The following PREX2 variants were observed in gnomAD, a reference collection of about 807,000 sequenced individuals.
PREX2 encodes the protein phosphatidylinositol 3,4,5-trisphosphate-dependent Rac exchanger 2 protein.
A neutral mutation model predicts 203.2 loss-of-function variants in PREX2; 107 were observed. That is an observed-to-expected ratio of 0.53 (90% confidence interval 0.45 to 0.62). The LOEUF is 0.62. Among genes scored for constraint, PREX2 ranks in the 20% least tolerant of loss-of-function variants. The pLI is 0.00. For synonymous variants in PREX2, 672 were observed against 663.6 expected, an observed-to-expected ratio of 1.01 and a Z score of -0.19; for missense variants, 1,777 against 1,955.9, an observed-to-expected ratio of 0.91 and a Z score of 1.72.
intron 1 of PREX2, among the ~76,000 whole-genome samples, chr8:67,973,354 A>G (rs890904929): frequency 1.3e-5 from 2 of 152,174 alleles, no homozygotes; most frequent in South Asian, 2.1e-4. Context: ...CCTTTGGCAT[A>G]TCTGTCAAAT....
chr8:67,988,331 C>T (rs978751201), intron 1 of PREX2, among the ~76,000 whole-genome samples: 3 of 152,146 alleles, frequency 2.0e-5, no homozygotes, highest in African/African-American at 7.2e-5. Context: ...ACTTTGAAAC[C>T]AATTTCTCTA....
intron 35 of PREX2, among the ~76,000 whole-genome samples, chr8:68,164,095 G>A (rs932078515): frequency 6.6e-6 from 1 of 152,162 alleles, no homozygotes; most frequent in Non-Finnish European, 1.5e-5. Context: ...AAAGGGGTCA[G>A]TGGCACCTTT....
At chr8:68,047,225 T>C (rs1197997864) in intron 8 of PREX2, among the ~76,000 whole-genome samples, 1 of 151,868 alleles carries the variant, frequency 6.6e-6, no homozygotes. Context: ...CAGCACAGCA[T>C]CTTCATTTCT....
At chr8:68,160,002 A>G (rs1811624557) in intron 35 of PREX2, among the ~76,000 whole-genome samples, 1 of 152,210 alleles carries the variant, frequency 6.6e-6, no homozygotes, top group East Asian at 1.9e-4. Flanking sequence ...TAAAACATAA[A>G]AAGCATCAGC....
intron 1 of PREX2, among the ~76,000 whole-genome samples, chr8:67,958,280 G>A (rs368905812): frequency 6.6e-6 from 1 of 152,138 alleles, no homozygotes; most frequent in East Asian, 1.9e-4. Context: ...CTTTCAGTTG[G>A]GGAGTCAAGG....
intron 8 of PREX2, among the ~76,000 whole-genome samples, chr8:68,049,343 C>G (rs1208062375): frequency 6.6e-6 from 1 of 151,868 alleles, no homozygotes; most frequent in Non-Finnish European, 1.5e-5. Context: ...ACATCAGTTT[C>G]TTGATGTTTT....
At chr8:68,063,348 A>G (rs914641357) in intron 11 of PREX2, among the ~76,000 whole-genome samples, 10 of 152,112 alleles carry the variant, frequency 6.6e-5, no homozygotes, top group Admixed American at 6.6e-4. Context: ...GAGGCTGTGA[A>G]ACTGAGTTGC....
intron 1 of PREX2, among the ~76,000 whole-genome samples, chr8:67,993,575 T>C (rs1382299932): frequency 2.0e-5 from 3 of 152,022 alleles, no homozygotes; most frequent in African/African-American, 7.2e-5. Context: ...GCCCAGCTAA[T>C]TTTTGTATTT....
chr8:68,019,641 A>G lies in PREX2; in HGVS notation c.306A>G (p.Gln102=), dbSNP rs1807508123. The change falls in exon 3 of 40, where the codon CAA becomes CAG. Residue 102 remains glutamine, a synonymous_variant. Coordinates refer to ENST00000288368, the MANE Select transcript of PREX2 (RefSeq NM_024870.4). ...EECLHPEPNA[Q]QEVGTCFLHF... ...GCTTACACCCCGAACCTAATGCTCA[A>G]CAAGAAGTGGGAACCTGCTTTCTTC... The G allele has an allele frequency of 1.2e-6, 2 of 1,612,824 alleles. No homozygotes were observed. The highest frequency in any genetic ancestry group is 1.7e-6 in the Non-Finnish European group (2 of 1,179,634).
intron 35 of PREX2, among the ~76,000 whole-genome samples, chr8:68,171,542 C>T (rs1315066054): frequency 6.6e-6 from 1 of 152,054 alleles, no homozygotes; most frequent in Non-Finnish European, 1.5e-5. Flanking sequence ...ATGCCATGGA[C>T]TTACTGCCAT....
intron 26 of PREX2, among the ~76,000 whole-genome samples, chr8:68,116,171 A>G (rs974836509): frequency 6.6e-6 from 1 of 152,134 alleles, no homozygotes; most frequent in African/African-American, 2.4e-5. Flanking sequence ...GTGTGAGCCT[A>G]ATTTGGGAGA....
chr8:68,195,585 T>C (rs1254528212), intron 37 of PREX2, among the ~76,000 whole-genome samples: 1 of 152,206 alleles, frequency 6.6e-6, no homozygotes, highest in Non-Finnish European at 1.5e-5. Flanking sequence ...GTTCCTAAAA[T>C]AGTCCTTTAG....
chr8:68,172,178 C>T (rs1350943160), intron 35 of PREX2, among the ~76,000 whole-genome samples: 2 of 152,040 alleles, frequency 1.3e-5, no homozygotes, highest in Admixed American at 1.3e-4. Context: ...GTGATTCTCC[C>T]CTGGCAGGAG....
chr8:68,052,142 C>T (rs541837235), intron 8 of PREX2, among the ~76,000 whole-genome samples: 1 of 152,262 alleles, frequency 6.6e-6, no homozygotes, highest in African/African-American at 2.4e-5. Context: ...TCTAAACCAC[C>T]TTTAACTTTC....
intron 30 of PREX2, 85 bp from the exon 31 acceptor site, chr8:68,127,293 A>C (rs1201318774): frequency 1.9e-6 from 2 of 1,055,288 alleles, no homozygotes; most frequent in Non-Finnish European, 2.8e-6. Context: ...CAATAAGATC[A>C]TACTAATTTT....
intron 30 of PREX2, among the ~76,000 whole-genome samples, chr8:68,123,136 C>A (rs1810814407): frequency 1.3e-5 from 2 of 152,028 alleles, no homozygotes; most frequent in South Asian, 4.1e-4. Context: ...GTGTGGGAGT[C>A]TAAGACTCTC....
At chr8:68,157,210 G>A (rs1339240935) in intron 34 of PREX2, 112 bp from the exon 35 acceptor site, 5 of 496,998 alleles carry the variant, frequency 1.0e-5, no homozygotes, top group Admixed American at 3.7e-5. Flanking sequence ...TTGCATATAT[G>A]TTGATAATTG....
At chr8:68,193,827 A>G (rs1258112592) in intron 37 of PREX2, among the ~76,000 whole-genome samples, 1 of 152,212 alleles carries the variant, frequency 6.6e-6, no homozygotes, top group Non-Finnish European at 1.5e-5. Context: ...CATTGAAGGC[A>G]GCAGCCTCTC....
Position 68,095,309 on chromosome 8 carries a change from C to T in PREX2, c.2368+1587C>T, listed in dbSNP as rs114059480. ...GGTCTGAAAGCTCCTACCCCCTAAT[C>T]GCATGGTTGGTTCCCCTGACAACCA... is the stretch of plus-strand genomic sequence containing the variant. On this transcript the variant is annotated intron_variant, in intron 21 of 39. Coordinates refer to ENST00000288368, the MANE Select transcript of PREX2 (RefSeq NM_024870.4). 4.5e-3 allele frequency among the ~76,000 whole-genome samples: 690 copies of T among 152,282 alleles called. 6 individuals carry two copies. The highest frequency in any genetic ancestry group is 0.016 in the African/African-American group (661 of 41,544).
Sources: allele counts gnomAD v4.1 joint callset (sites outside exome capture counted in the v4.1 genomes callset), GRCh38; gene constraint gnomAD v4.1.1; transcripts MANE v1.5; gene names NCBI Gene and HGNC (gene_info 2026-07-23, HGNC 2026-07-21).